RECK: variants seen among roughly 807,000 people sequenced by gnomAD.
RECK encodes reversion-inducing cysteine-rich protein with Kazal motifs.
A neutral mutation model predicts 115.1 loss-of-function variants in RECK; 69 were observed. The observed-to-expected ratio is 0.60, with a 90% CI of 0.49 to 0.73. The LOEUF (loss-of-function observed/expected upper bound fraction) is 0.73, where lower values mean the gene tolerates loss of function less well. Among genes scored for constraint, RECK ranks in the 30% least tolerant of loss-of-function variants. The probability of loss-of-function intolerance (pLI) is 0.00; values close to 1 mark genes in which losing one functional copy is unlikely to be tolerated. For synonymous variants in RECK, 414 were observed against 419.7 expected, an observed-to-expected ratio of 0.99 and a Z score of 0.17; for missense variants, 1,047 against 1,203.7, an observed-to-expected ratio of 0.87 and a Z score of 1.93.
At position 36,110,005 on chromosome 9, in the gene RECK, CT is replaced by C; in HGVS notation, c.1815del (p.Gly606AlafsTer91). 1 of 1,613,774 alleles carries C rather than the reference CT, an allele frequency of 6.2e-7. No individual in the cohort carries two copies. Among genetic ancestry groups the C allele is most frequent in the Non-Finnish European group, 8.5e-7 (1 of 1,179,688 alleles). ...GACTGCAATGTCTGTTCTTGTTTTG[CT>C]GGCAATTTGGTGTGCTCTACCCGCC... is the stretch of plus-strand genomic sequence containing the variant. ...SIDCNVCSCF[A>X]GNLVCSTRLC... On this transcript the variant is annotated frameshift_variant, in exon 15 of 21. Transcript: ENST00000377966. LOFTEE classifies it high-confidence loss of function.
chr9:36,102,569 A>AC (rs1257259964), intron 12 of RECK, among the ~76,000 whole-genome samples: 1 of 152,076 alleles, frequency 6.6e-6, no homozygotes, highest in African/African-American at 2.4e-5. Context: ...AGTGGAATTT[A>AC]CCCCCAGAGA....
chr9:36,085,095 A>AT, intron 8 of RECK: 1 of 162,426 alleles, frequency 6.2e-6, no homozygotes, highest in Non-Finnish European at 1.4e-5. Flanking sequence ...GCAAAAAAAA[A>AT]GTAAATCACA....
At chr9:36,045,414 A>AT (rs1253910317) in intron 1 of RECK, among the ~76,000 whole-genome samples, 5 of 152,138 alleles carry the variant, frequency 3.3e-5, no homozygotes, top group Non-Finnish European at 2.9e-5. Flanking sequence ...AATTTTTTAA[A>AT]TTTGAATGAT....
chr9:36,091,132 T>C, intron 9 of RECK, 32 bp from the exon 10 acceptor site: 1 of 1,607,238 alleles, frequency 6.2e-7, no homozygotes, highest in Non-Finnish European at 8.5e-7. Flanking sequence ...GGTTGGCTCA[T>C]GTCGGCTTCT....
At chr9:36,070,655 AAGACTT>A (rs1310659608) in intron 6 of RECK, among the ~76,000 whole-genome samples, 1 of 152,206 alleles carries the variant, frequency 6.6e-6, no homozygotes, top group African/African-American at 2.4e-5. Context: ...TGTTCAAGTA[AAGACTT>A]ACTGGATTCA....
At position 36,112,596 on chromosome 9, in the gene RECK, T is replaced by C. The variant is rs1294719910; in HGVS notation, c.2060+120T>C. The C allele has an allele frequency of 5.5e-6, 6 of 1,093,408 alleles. No individual in the cohort carries two copies. The African/African-American group carries it at 9.5e-5, about 17-fold the overall frequency. The allele number at this position is 1,093,408 out of a possible 1,614,324, so 67.7% of individuals were successfully genotyped here. On this transcript the variant is annotated intron_variant, in intron 16 of 20. Coordinates refer to ENST00000377966, the MANE Select transcript of RECK (RefSeq NM_021111.3). ...AGAAATCGCTGCTGCCCTGAAGAGT[T>C]TGGAGTCTGGAGGGAAAGAGAGCCA...
chr9:36,112,122 CAAAA>C (rs58460262), intron 15 of RECK, among the ~76,000 whole-genome samples, 179 bp from the exon 16 acceptor site: 3 of 71,648 alleles, frequency 4.2e-5, no homozygotes, highest in African/African-American at 1.1e-4. Flanking sequence ...GACTCCATCT[CAAAA>C]AAAAAAAAAA....
At chr9:36,081,593 C>T (rs979155986) in intron 7 of RECK, among the ~76,000 whole-genome samples, 4 of 152,006 alleles carry the variant, frequency 2.6e-5, no homozygotes, top group Admixed American at 1.3e-4. Flanking sequence ...CAGCACTTTG[C>T]GAGGCAGAGA....
intron 6 of RECK, among the ~76,000 whole-genome samples, chr9:36,076,858 C>G (rs1260022234): frequency 6.6e-6 from 1 of 152,126 alleles, no homozygotes; most frequent in African/African-American, 2.4e-5. Flanking sequence ...AAACATTCAA[C>G]CTTGCATTGG....
At chr9:36,108,954 T>C (rs950843654) in intron 14 of RECK, among the ~76,000 whole-genome samples, 6 of 151,976 alleles carry the variant, frequency 3.9e-5, no homozygotes, top group African/African-American at 1.4e-4. Context: ...CCTTCAACCA[T>C]AGTAGTTCAG....
At chr9:36,061,731 G>A (rs563909911) in intron 4 of RECK, among the ~76,000 whole-genome samples, 98 of 152,262 alleles carry the variant, frequency 6.4e-4, no homozygotes, top group Middle Eastern at 3.4e-3. Flanking sequence ...AGATTTAGAA[G>A]AAACTATACT....
intron 1 of RECK, among the ~76,000 whole-genome samples, chr9:36,040,944 CAT>C (rs1043749070): frequency 2.0e-5 from 3 of 151,976 alleles, no homozygotes; most frequent in African/African-American, 4.8e-5. Context: ...TATTTTTGTA[CAT>C]GTTTAGGATG....
chr9:36,050,454 A>G (rs943106902), intron 1 of RECK, among the ~76,000 whole-genome samples: 11 of 152,086 alleles, frequency 7.2e-5, no homozygotes, highest in Non-Finnish European at 1.2e-4. Context: ...ACTTAATACC[A>G]TCTCCACTGC....
At chr9:36,120,557 A>G (rs767047869) in intron 18 of RECK, 106 bp from the exon 19 acceptor site, 14 of 857,486 alleles carry the variant, frequency 1.6e-5, no homozygotes, top group African/African-American at 8.5e-5. Flanking sequence ...TGGGAAGGAC[A>G]CTGTAACTCT....
chr9:36,083,146 T>C (rs1822796984), intron 7 of RECK, among the ~76,000 whole-genome samples: 1 of 152,208 alleles, frequency 6.6e-6, no homozygotes, highest in South Asian at 2.1e-4. Flanking sequence ...CACTGGACTA[T>C]AGACTGTAAG....
At chr9:36,099,064 G>A (rs1379332170) in intron 10 of RECK, among the ~76,000 whole-genome samples, 1 of 151,962 alleles carries the variant, frequency 6.6e-6, no homozygotes, top group Non-Finnish European at 1.5e-5. Flanking sequence ...TGTCTCTAAA[G>A]AAAATACAAA....
At chr9:36,083,327 T>G in intron 7 of RECK, 38 bp from the exon 8 acceptor site, 1 of 1,586,926 alleles carries the variant, frequency 6.3e-7, no homozygotes. Context: ...AACAAAAAGC[T>G]GTTTCCATGT....
At chr9:36,120,640 A>G (rs542327471) in intron 18 of RECK, 23 bp from the exon 19 acceptor site, 1 of 1,572,680 alleles carries the variant, frequency 6.4e-7, no homozygotes, top group African/African-American at 1.4e-5. Flanking sequence ...CTGAACGCAC[A>G]TAAAATGGTT....
At chr9:36,080,416 T>C (rs1822639670) in intron 6 of RECK, among the ~76,000 whole-genome samples, 189 bp from the exon 7 acceptor site, 1 of 152,206 alleles carries the variant, frequency 6.6e-6, no homozygotes. Context: ...TTGATCCTGA[T>C]ATATGTTGGA....
Sources: gnomAD v4.1 joint callset for allele counts (sites outside exome capture counted in the v4.1 genomes callset) on GRCh38, gnomAD v4.1.1 for gene constraint, MANE v1.5 for transcripts, NCBI Gene and HGNC (gene_info 2026-07-23, HGNC 2026-07-21) for gene names.